The following GRID1 variants were observed in gnomAD, a reference collection of about 807,000 sequenced individuals.
GRID1 encodes the protein glutamate receptor ionotropic, delta-1.
In GRID1, 28 loss-of-function variants were observed where a neutral mutation model predicts 98.0. The observed-to-expected ratio is 0.29, with a 90% CI of 0.21 to 0.39. The LOEUF (loss-of-function observed/expected upper bound fraction) is 0.39, where lower values mean the gene tolerates loss of function less well. GRID1 is among the 10% of genes least tolerant of loss of function. The pLI is 1.00. For synonymous variants in GRID1, 553 were observed against 538.5 expected (o/e 1.03, Z -0.37); for missense variants, 1,111 against 1,340.5 (o/e 0.83, Z 2.67).
At chr10:86,234,342 T>C (rs191965023) in intron 2 of GRID1, among the ~76,000 whole-genome samples, 2 of 152,292 alleles carry the variant, frequency 1.3e-5, no homozygotes, top group Admixed American at 6.5e-5. Flanking sequence ...TCCCACGCTA[T>C]CAAATGAGCC....
chr10:86,319,619 C>T (rs1178955561), intron 2 of GRID1, among the ~76,000 whole-genome samples: 1 of 152,146 alleles, frequency 6.6e-6, no homozygotes, highest in African/African-American at 2.4e-5. Context: ...ATGGGGAGCA[C>T]ACTCCAGCTA....
In GRID1 at chr10:85,696,414, G is replaced by A. The variant is rs534059367; in HGVS notation, c.1997+26589C>T. Among the ~76,000 whole-genome samples, 3 of 152,086 alleles carry A rather than the reference G, an allele frequency of 2.0e-5. No individual in the cohort carries two copies. The South Asian group carries it at 6.2e-4, about 32-fold the overall frequency. On this transcript the variant is annotated intron_variant, in intron 12 of 15. Transcript: ENST00000327946. The stretch of plus-strand genomic sequence containing the variant: ...AATTGGCTAGGTAAAAAAGCAGAGA[G>A]AAAGGTGCTCTAAAAATATGGACTA...
intron 3 of GRID1, among the ~76,000 whole-genome samples, chr10:86,158,878 G>C (rs1302199225): frequency 1.3e-5 from 2 of 152,302 alleles, no homozygotes; most frequent in East Asian, 3.9e-4. Flanking sequence ...ACAAAACAAA[G>C]AATGCAAAAT....
intron 4 of GRID1, among the ~76,000 whole-genome samples, chr10:86,128,351 G>A (rs1375273547): frequency 6.6e-6 from 1 of 152,098 alleles, no homozygotes; most frequent in Non-Finnish European, 1.5e-5. Flanking sequence ...TGGGGTTGGG[G>A]GAATTCATGT....
chr10:85,706,409 T>C (rs1590198094), intron 12 of GRID1, among the ~76,000 whole-genome samples: 1 of 152,152 alleles, frequency 6.6e-6, no homozygotes, highest in Non-Finnish European at 1.5e-5. Context: ...TTACAAGGGA[T>C]GTGAAGGACC....
At chr10:85,752,574 C>T (rs2132687960) in intron 8 of GRID1, among the ~76,000 whole-genome samples, 1 of 152,158 alleles carries the variant, frequency 6.6e-6, no homozygotes, top group African/African-American at 2.4e-5. Flanking sequence ...TTTCAAGACC[C>T]AATATATACT....
intron 13 of GRID1, among the ~76,000 whole-genome samples, chr10:85,627,633 C>T (rs533563098): frequency 2.2e-4 from 33 of 152,258 alleles, no homozygotes; most frequent in Middle Eastern, 3.4e-3. Context: ...TTTGTGATTA[C>T]GGATATCGAG....
At chr10:85,721,823 T>C (rs1363716281) in intron 12 of GRID1, among the ~76,000 whole-genome samples, 2 of 152,224 alleles carry the variant, frequency 1.3e-5, no homozygotes, top group Admixed American at 6.5e-5. Context: ...TAAAATAGTA[T>C]AGACCCGAAT....
Position 86,192,041 on chromosome 10 carries a change from A to C in GRID1, c.520+14323T>G, listed in dbSNP as rs1215908084. ...TCCTTAAGGAGAGGGGGAGACATTC[A>C]GGGGTCTAAGCAGGGCAGTGAGTTA... On this transcript the variant is annotated intron_variant, in intron 3 of 15. Transcript: ENST00000327946. The surrounding 1 kb of genome is among the most constrained non-coding windows in gnomAD (Gnocchi z 4.8). Among the ~76,000 whole-genome samples, 5 of 152,178 alleles carry C rather than the reference A, an allele frequency of 3.3e-5. No individual in the cohort carries two copies. The highest frequency in any genetic ancestry group is 1.3e-4 in the Admixed American group (2 of 15,278).
chr10:85,618,069 T>G (rs1028822251), intron 14 of GRID1, among the ~76,000 whole-genome samples: 8 of 152,206 alleles, frequency 5.3e-5, no homozygotes, highest in African/African-American at 1.7e-4. Context: ...TGCTCTGACC[T>G]AATGGGAGCC....
intron 2 of GRID1, among the ~76,000 whole-genome samples, chr10:86,347,242 C>T (rs559576540): frequency 5.9e-5 from 9 of 152,170 alleles, no homozygotes. Context: ...AGTCCAATCC[C>T]CCCTTAACGT....
At chr10:86,116,724 G>A (rs1488171103) in intron 4 of GRID1, among the ~76,000 whole-genome samples, 2 of 150,534 alleles carry the variant, frequency 1.3e-5, no homozygotes, top group East Asian at 2.0e-4. Flanking sequence ...CCATTTATGG[G>A]GAGAGGAGCA....
intron 4 of GRID1, among the ~76,000 whole-genome samples, chr10:86,097,889 C>T (rs1000195491): frequency 6.6e-6 from 1 of 152,154 alleles, no homozygotes; most frequent in African/African-American, 2.4e-5. Flanking sequence ...ATTCCAATCA[C>T]TTCTTGAGAA....
At chr10:86,098,770 T>C (rs1295928618) in intron 4 of GRID1, among the ~76,000 whole-genome samples, 1 of 152,240 alleles carries the variant, frequency 6.6e-6, no homozygotes, top group Non-Finnish European at 1.5e-5. Flanking sequence ...GTTTTCCATA[T>C]GTTTGCTAAC....
At chr10:86,145,095 C>G (rs1424887428) in intron 3 of GRID1, among the ~76,000 whole-genome samples, 1 of 152,220 alleles carries the variant, frequency 6.6e-6, no homozygotes, top group African/African-American at 2.4e-5. Flanking sequence ...ATTTATGTAA[C>G]AGTTGCCAAG....
chr10:85,803,856 G>A (rs1842598566), intron 8 of GRID1, among the ~76,000 whole-genome samples: 1 of 151,726 alleles, frequency 6.6e-6, no homozygotes, highest in Admixed American at 6.6e-5. Flanking sequence ...AAAAAATAAT[G>A]CACACTCAAA....
intron 4 of GRID1, among the ~76,000 whole-genome samples, chr10:86,105,678 C>T (rs1270130132): frequency 1.3e-5 from 2 of 152,186 alleles, no homozygotes; most frequent in Non-Finnish European, 2.9e-5. Context: ...GCACCAGAGC[C>T]GGCACTGTGG....
At chr10:85,846,661 C>A (rs1161741363) in intron 8 of GRID1, among the ~76,000 whole-genome samples, 2 of 151,752 alleles carry the variant, frequency 1.3e-5, no homozygotes, top group Admixed American at 6.6e-5. Flanking sequence ...CAAGTCTAAT[C>A]AAAAAATAAA....
intron 5 of GRID1, among the ~76,000 whole-genome samples, chr10:85,877,456 G>C (rs994024669): frequency 2.0e-5 from 3 of 152,172 alleles, no homozygotes; most frequent in African/African-American, 7.2e-5. Context: ...AAAATCCACT[G>C]TTCTACAGCC....
Sources: allele counts gnomAD v4.1 joint callset (sites outside exome capture counted in the v4.1 genomes callset), GRCh38; gene constraint gnomAD v4.1.1; non-coding constraint Gnocchi (gnomAD v3.1); transcripts MANE v1.5; gene names NCBI Gene and HGNC (gene_info 2026-07-23, HGNC 2026-07-21).